The following PRDM6 variants were observed in gnomAD, a reference collection of about 807,000 sequenced individuals.
The protein encoded by PRDM6 is PR/SET domain 6.
A neutral mutation model predicts 60.8 loss-of-function variants in PRDM6; 25 were observed. The observed-to-expected ratio is 0.41, with a 90% confidence interval of 0.30 to 0.57. The LOEUF (loss-of-function observed/expected upper bound fraction) is 0.57, where lower values mean the gene tolerates loss of function less well. PRDM6 is among the 20% of genes least tolerant of loss of function. The pLI is 0.27. For synonymous variants in PRDM6, 407 were observed against 357.4 expected (o/e 1.14, Z -1.57); for missense variants, 839 against 821.3 (o/e 1.02, Z -0.26).
intron 5 of PRDM6, among the ~76,000 whole-genome samples, chr5:123,161,055 T>C (rs959815643): frequency 6.6e-6 from 1 of 152,250 alleles, no homozygotes; most frequent in Non-Finnish European, 1.5e-5. Flanking sequence ...TGTACTTGTC[T>C]GTAGGTTGGA....
rs1234897462 is a variant in PRDM6 at position 123,142,887 on chromosome 5, AAAAAAAAAAAAAAAAC to A, written c.901-12993_901-12978del. 7.4e-5 allele frequency among the ~76,000 whole-genome samples: 11 copies of A among 148,398 alleles called. 1 individual carries two copies. Among genetic ancestry groups the A allele is most frequent in the Non-Finnish European group, 1.3e-4 (9 of 67,070 alleles). On this transcript the variant is annotated intron_variant, in intron 3 of 7. Coordinates refer to ENST00000407847, the MANE Select transcript of PRDM6 (RefSeq NM_001136239.4). ...AAGCACAGTGAAGACCAAAAAAAAA[AAAAAAAAAAAAAAAAC>A]AAACAAACCAAAGCAAAACAAAACA... is the stretch of plus-strand genomic sequence containing the variant.
chr5:123,156,461 C>T (rs1320143464), intron 4 of PRDM6, among the ~76,000 whole-genome samples: 3 of 152,178 alleles, frequency 2.0e-5, no homozygotes, highest in Admixed American at 1.3e-4. Context: ...ACCAAGAACT[C>T]GCTACCTTCC....
At chr5:123,138,284 G>C (rs1053033114) in intron 3 of PRDM6, among the ~76,000 whole-genome samples, 1 of 152,200 alleles carries the variant, frequency 6.6e-6, no homozygotes, top group Non-Finnish European at 1.5e-5. Context: ...AGCAGTAGTT[G>C]TTGGCAATTG....
intron 3 of PRDM6, among the ~76,000 whole-genome samples, chr5:123,111,918 TCTC>T (rs1237115118): frequency 1.3e-5 from 2 of 152,126 alleles, no homozygotes; most frequent in African/African-American, 4.8e-5. Flanking sequence ...TCTTGGCTAA[TCTC>T]CTGTGGACAT....
At chr5:123,097,765 G>A (rs1419055211) in intron 2 of PRDM6, among the ~76,000 whole-genome samples, 1 of 152,206 alleles carries the variant, frequency 6.6e-6, no homozygotes, top group Non-Finnish European at 1.5e-5. Context: ...TTTAACAATA[G>A]TTTGTGTTGC....
intron 3 of PRDM6, among the ~76,000 whole-genome samples, chr5:123,131,140 T>C (rs1238423046): frequency 7.0e-6 from 1 of 141,856 alleles, no homozygotes; most frequent in Non-Finnish European, 1.6e-5. Flanking sequence ...ATTGATCTAA[T>C]GGAAGCAGTG....
At position 123,193,465 on chromosome 5, in the gene PRDM6, G is replaced by A. The variant is rs1218617278; in HGVS notation, c.*6264G>A. 2 of 152,158 alleles carry A rather than the reference G, an allele frequency of 1.3e-5. No homozygotes were observed. The highest frequency in any genetic ancestry group is 1.5e-5 in the Non-Finnish European group (1 of 68,022). The allele number at this position is 152,158 out of a possible 1,614,324, so 9.4% of individuals were successfully genotyped here. A position where few individuals can be genotyped will look rare whatever the true frequency, so the allele number is the denominator to read the frequency against. On this transcript the variant is annotated 3_prime_UTR_variant, in exon 8 of 8. Transcript: ENST00000407847. ...GCATTGTCTAATGTTAACAAAATCA[G>A]CACTTGTAGACTTACTTTCTCTGAA...
chr5:123,128,981 T>C (rs554454495), intron 3 of PRDM6, among the ~76,000 whole-genome samples: 1 of 152,248 alleles, frequency 6.6e-6, no homozygotes, highest in Non-Finnish European at 1.5e-5. Context: ...TTTCTACATA[T>C]AGCTAGCCAG....
intron 6 of PRDM6, among the ~76,000 whole-genome samples, chr5:123,172,853 T>C (rs1057071198): frequency 6.6e-6 from 1 of 152,238 alleles, no homozygotes; most frequent in African/African-American, 2.4e-5. Flanking sequence ...GGTAGGTAGA[T>C]ACTGAAACAG....
chr5:123,089,568 G>C (rs1460914540), intron 1 of PRDM6, 49 bp downstream of exon 1: 2 of 169,332 alleles, frequency 1.2e-5, no homozygotes, highest in Admixed American at 6.4e-5. Flanking sequence ...TTGGTAGATA[G>C]GAAGGTTGGT....
intron 2 of PRDM6, among the ~76,000 whole-genome samples, chr5:123,093,901 G>C (rs1763899306): frequency 6.6e-6 from 1 of 151,804 alleles, no homozygotes; most frequent in Non-Finnish European, 1.5e-5. Context: ...TGGGAGGGAG[G>C]CGGGAACTGA....
chr5:123,176,286 A>AAC (rs1027181073), intron 6 of PRDM6, among the ~76,000 whole-genome samples: 1 of 150,856 alleles, frequency 6.6e-6, no homozygotes, highest in African/African-American at 2.4e-5. Flanking sequence ...AAAAAAAACA[A>AAC]AAAAAAAACC....
rs1044068235 is a variant in PRDM6, at chr5:123,192,488, G to C, written c.*5287G>C. ...CAATACTGAAGTGCTATTAAAACAC[G>C]TATCATTATAGATGCTGATTTTGTC... On this transcript the variant is annotated 3_prime_UTR_variant, in exon 8 of 8. Coordinates refer to ENST00000407847, the MANE Select transcript of PRDM6 (RefSeq NM_001136239.4). 8 of 139,956 alleles carry C rather than the reference G, an allele frequency of 5.7e-5. No homozygotes were observed. In the East Asian group the frequency reaches 1.5e-3, roughly 27 times the overall value. The allele number at this position is 139,956 out of a possible 1,614,324, so 8.7% of individuals were successfully genotyped here.
chr5:123,165,426 C>T (rs920324540), intron 5 of PRDM6, among the ~76,000 whole-genome samples: 2 of 152,218 alleles, frequency 1.3e-5, no homozygotes, highest in African/African-American at 2.4e-5. Context: ...TTCATTTCTG[C>T]TGCCACCTGA....
At chr5:123,150,417 C>T (rs75665868) in intron 3 of PRDM6, among the ~76,000 whole-genome samples, 4,005 of 152,192 alleles carry the variant, frequency 0.026, 160 homozygotes, top group African/African-American at 0.091. Flanking sequence ...CCACCGTTCA[C>T]CTTTTAAAAA....
chr5:123,109,474 TAAAAC>T (rs1764260706), intron 3 of PRDM6, among the ~76,000 whole-genome samples: 1 of 152,184 alleles, frequency 6.6e-6, no homozygotes, highest in Non-Finnish European at 1.5e-5. Context: ...CATTATTTGA[TAAAAC>T]AAAAGATTGT....
At chr5:123,118,806 A>T (rs1425988106) in intron 3 of PRDM6, among the ~76,000 whole-genome samples, 1 of 152,180 alleles carries the variant, frequency 6.6e-6, no homozygotes, top group Non-Finnish European at 1.5e-5. Context: ...TCTGCCCTAG[A>T]ATTTTTTTTC....
At position 123,090,489 on chromosome 5, in the gene PRDM6, G is replaced by A; in HGVS notation, c.475G>A (p.Glu159Lys). 1 of 1,486,838 alleles carries A rather than the reference G, an allele frequency of 6.7e-7. No homozygotes were observed. Among genetic ancestry groups the A allele is most frequent in the Non-Finnish European group, 8.9e-7 (1 of 1,127,174 alleles). The allele number at this position is 1,486,838 out of a possible 1,614,324, so 92.1% of individuals were successfully genotyped here. A position where few individuals can be genotyped will look rare whatever the true frequency, so the allele number is the denominator to read the frequency against. The change falls in exon 2 of 8, where the codon GAG becomes AAG. Residue 159 changes from glutamate to lysine, a missense_variant. Glu to Lys is a moderately conservative substitution (Grantham distance 56, BLOSUM62 1). This residue lies in a region of PRDM6 where 730 missense variants were observed against 648.8 expected (regional missense o/e 1.13). Transcript: ENST00000407847. Reference protein sequence around the residue: ...KCGGGGGGGGEGRGAPRFRCS... With the variant: ...KCGGGGGGGGKGRGAPRFRCS... ...CGGTGGTGGTGGCGGCGGCGGCGGG[G>A]AGGGTCGCGGCGCCCCGCGCTTCCG...
intron 3 of PRDM6, among the ~76,000 whole-genome samples, chr5:123,120,838 A>C (rs1764563464): frequency 6.6e-6 from 1 of 152,154 alleles, no homozygotes; most frequent in Non-Finnish European, 1.5e-5. Context: ...TATTTTAGTG[A>C]GCATATTTGG....
Sources: gnomAD v4.1 joint callset for allele counts (sites outside exome capture counted in the v4.1 genomes callset) on GRCh38, gnomAD v4.1.1 for gene constraint, gnomAD v4.1.1 regional missense constraint, MANE v1.5 for transcripts, NCBI Gene and HGNC (gene_info 2026-07-23, HGNC 2026-07-21) for gene names.